ERBIN: variants seen among roughly 807,000 people sequenced by gnomAD.
ERBIN encodes the protein erbb2 interacting protein.
A neutral mutation model predicts 158.4 loss-of-function variants in ERBIN; 60 were observed. The observed-to-expected ratio is 0.38, with a 90% CI of 0.31 to 0.47. The LOEUF is 0.47. Ranked by LOEUF, ERBIN falls within the 20% of genes least tolerant of loss-of-function variation. ERBIN has a pLI of 0.99. For missense variants in ERBIN, 1,610 were observed against 1,648.0 expected (o/e 0.98, Z 0.40); for synonymous variants, 594 against 557.2 (o/e 1.07, Z -0.93).
At chr5:65,961,409 G>C (rs1349579569) in intron 1 of ERBIN, 1 of 152,126 alleles carries the variant, frequency 6.6e-6, no homozygotes, top group Non-Finnish European at 1.5e-5. Flanking sequence ...ATACTTCCCT[G>C]CAGCAGTATT....
At chr5:66,043,312 C>A in intron 16 of ERBIN, 114 bp downstream of exon 16, 2 of 1,029,412 alleles carry the variant, frequency 1.9e-6, no homozygotes, top group Non-Finnish European at 2.8e-6. Flanking sequence ...TATTCCTTGT[C>A]CTCAAGGCAC....
rs575820678 is a variant in ERBIN at position 66,056,500 on chromosome 5, A to C, written c.3633+1549A>C. On this transcript the variant is annotated intron_variant, in intron 21 of 25. Transcript: ENST00000284037. The stretch of plus-strand genomic sequence containing the variant: ...TATACCTGGATTTCAGTACATAAGA[A>C]GCAAGTAGTAACTATCTCATTGTTC... 3.9e-5 allele frequency among the ~76,000 whole-genome samples: 6 copies of C among 151,992 alleles called. No individual in the cohort carries two copies. In the East Asian group the frequency reaches 1.2e-3, roughly 29 times the overall value.
intron 7 of ERBIN, among the ~76,000 whole-genome samples, chr5:66,019,740 TCC>T (rs1191206555): frequency 6.6e-6 from 1 of 152,180 alleles, no homozygotes; most frequent in Non-Finnish European, 1.5e-5. Flanking sequence ...ATTGAATTTT[TCC>T]AATGCACACC....
At chr5:65,995,041 C>T (rs1752270355) in intron 4 of ERBIN, among the ~76,000 whole-genome samples, 177 bp downstream of exon 4, 1 of 152,146 alleles carries the variant, frequency 6.6e-6, no homozygotes, top group Non-Finnish European at 1.5e-5. Context: ...AGTTTTGCCA[C>T]CTGTTTTGTA....
At chr5:65,988,425 GTGTGTGTGTGCATACACTTGTGTGTA>G (rs912829148) in intron 1 of ERBIN, among the ~76,000 whole-genome samples, 184 bp from the exon 2 acceptor site, 32 of 152,070 alleles carry the variant, frequency 2.1e-4, no homozygotes, top group African/African-American at 7.5e-4. Context: ...ATATGTGTGT[GTGTGTGTGTGCATACACTTGTGTGTA>G]CGTTTTTAAG....
intron 14 of ERBIN, among the ~76,000 whole-genome samples, chr5:66,028,633 A>T (rs890991936): frequency 4.6e-5 from 7 of 151,952 alleles, no homozygotes; most frequent in African/African-American, 1.7e-4. Context: ...GCATTATCTC[A>T]TACACTTGCC....
At chr5:65,988,830 A>G (rs1165669729) in intron 2 of ERBIN, 148 bp downstream of exon 2, 1 of 152,096 alleles carries the variant, frequency 6.6e-6, no homozygotes, top group Non-Finnish European at 1.5e-5. Flanking sequence ...TGTAGAAATT[A>G]CAAAAATTAG....
At chr5:65,940,629 C>A (rs372436092) in intron 1 of ERBIN, among the ~76,000 whole-genome samples, 2 of 19,990 alleles carry the variant, frequency 1.0e-4, no homozygotes, top group Admixed American at 3.2e-4. Flanking sequence ...CCAGCCGCCC[C>A]GTCCGGGAGG....
intron 1 of ERBIN, among the ~76,000 whole-genome samples, chr5:65,950,372 G>A (rs914632323): frequency 6.6e-6 from 1 of 152,100 alleles, no homozygotes; most frequent in African/African-American, 2.4e-5. Context: ...GAAGAGTACT[G>A]GTTGGATATT....
chr5:66,042,465 A>G (rs142828167), intron 15 of ERBIN, among the ~76,000 whole-genome samples: 24 of 152,180 alleles, frequency 1.6e-4, no homozygotes, highest in African/African-American at 5.3e-4. Context: ...TGCAGAATTC[A>G]TATCAGTTGA....
intron 4 of ERBIN, among the ~76,000 whole-genome samples, chr5:66,006,642 T>C (rs1344780796): frequency 0.01 from 1,543 of 150,704 alleles, 11 homozygotes; most frequent in Non-Finnish European, 0.016. Flanking sequence ...GCAATCTACT[T>C]ATCTGACAAA....
rs912881133 is a variant in ERBIN, at chr5:66,046,526, T to C, written c.1776T>C (p.Asp592=). 2 of 1,579,888 alleles carry C rather than the reference T, an allele frequency of 1.3e-6. No individual in the cohort carries two copies. The highest frequency in any genetic ancestry group is 1.7e-6 in the Non-Finnish European group (2 of 1,163,246). The part of the protein sequence containing the change: ...SENLKHIVNH[D]DVFEESEELS... ...ACTTGAAGCATATTGTTAACCATGA[T>C]GATGTTTTTGAGGTATGATTTTATG... Residue 592 remains aspartate, a synonymous_variant, in exon 18 of 26, where the codon GAT becomes GAC. Transcript: ENST00000284037.
chr5:66,020,281 A>T (rs2151135765), intron 7 of ERBIN, among the ~76,000 whole-genome samples: 1 of 152,166 alleles, frequency 6.6e-6, no homozygotes, highest in East Asian at 1.9e-4. Context: ...TTTGACTAAA[A>T]AGCTGGAGAA....
At chr5:65,952,863 CT>C (rs1241958995) in intron 1 of ERBIN, among the ~76,000 whole-genome samples, 2 of 152,252 alleles carry the variant, frequency 1.3e-5, no homozygotes, top group African/African-American at 4.8e-5. Flanking sequence ...TTGCGCTTAA[CT>C]TTTGTGGGTC....
At chr5:66,046,569 A>T (rs754559743) in intron 18 of ERBIN, 31 bp downstream of exon 18, 2 of 1,455,242 alleles carry the variant, frequency 1.4e-6, no homozygotes, top group Non-Finnish European at 9.2e-7. Context: ...TGGAGCAACT[A>T]TAAGAACTTT....
At chr5:66,026,276 A>T (rs771346030) in intron 12 of ERBIN, 26 bp from the exon 13 acceptor site, 5 of 1,480,776 alleles carry the variant, frequency 3.4e-6, no homozygotes, top group Middle Eastern at 1.8e-4. Context: ...AAATTTTTTG[A>T]TACTCAGTTT....
intron 1 of ERBIN, among the ~76,000 whole-genome samples, chr5:65,950,861 CAT>C (rs1258161751): frequency 6.6e-6 from 1 of 151,590 alleles, no homozygotes; most frequent in African/African-American, 2.4e-5. Flanking sequence ...GAGAATATGG[CAT>C]AGTAAGAGGG....
chr5:66,039,257 C>CAA (rs1398239113), intron 15 of ERBIN, among the ~76,000 whole-genome samples: 1 of 151,868 alleles, frequency 6.6e-6, no homozygotes, highest in East Asian at 1.9e-4. Context: ...GTTTCCTTAT[C>CAA]TTGAAATGAT....
At chr5:65,981,655 A>AC (rs1346441907) in intron 1 of ERBIN, among the ~76,000 whole-genome samples, 33 of 152,296 alleles carry the variant, frequency 2.2e-4, no homozygotes, top group African/African-American at 7.9e-4. Flanking sequence ...AAACAACAAA[A>AC]AAAAAACAAT....
Sources: allele counts gnomAD v4.1 joint callset (sites outside exome capture counted in the v4.1 genomes callset), GRCh38; gene constraint gnomAD v4.1.1; transcripts MANE v1.5; gene names NCBI Gene and HGNC (gene_info 2026-07-23, HGNC 2026-07-21).